RHBDD1: variants seen among roughly 807,000 people sequenced by gnomAD.
RHBDD1 encodes the protein rhomboid domain containing 1.
RHBDD1 carries 38 observed loss-of-function variants against 36.3 expected under a neutral mutation model. The observed-to-expected ratio is 1.05, with a 90% CI of 0.81 to 1.37. The LOEUF is 1.37. Among genes scored for constraint, RHBDD1 ranks in the 40% most tolerant of loss-of-function variants. RHBDD1 has a pLI of 0.00. For missense variants in RHBDD1, 393 were observed against 377.6 expected (o/e 1.04, Z -0.34); for synonymous variants, 151 against 136.5 (o/e 1.11, Z -0.74).
chr2:226,867,165 A>G (rs750070549), intron 4 of RHBDD1, 21 bp from the exon 5 acceptor site: 10 of 1,581,742 alleles, frequency 6.3e-6, no homozygotes, highest in Middle Eastern at 3.4e-4. Flanking sequence ...TGATATTTGC[A>G]TGTTCTTCAT....
chr2:226,982,989 G>C (rs1391842465), intron 8 of RHBDD1, among the ~76,000 whole-genome samples: 1 of 152,214 alleles, frequency 6.6e-6, no homozygotes, highest in Non-Finnish European at 1.5e-5. Flanking sequence ...GTTGAGCATA[G>C]CATAACCTAG....
chr2:226,803,308 ATGTG>A, the RHBDD1 span, among the ~76,000 whole-genome samples: 4,777 of 149,328 alleles, frequency 0.032, 253 homozygotes, highest in African/African-American at 0.11. Flanking sequence ...GATGACTAAA[ATGTG>A]TGTGTGTGTG....
chr2:226,898,147 C>T (rs149509505), intron 5 of RHBDD1, among the ~76,000 whole-genome samples: 4 of 152,174 alleles, frequency 2.6e-5, no homozygotes, highest in Non-Finnish European at 5.9e-5. Flanking sequence ...CCCTATACTC[C>T]TACAAGGAGG....
intron 3 of RHBDD1, among the ~76,000 whole-genome samples, chr2:226,854,239 CTTATTA>C (rs1420426853): frequency 6.6e-6 from 1 of 151,984 alleles, no homozygotes; most frequent in Non-Finnish European, 1.5e-5. Flanking sequence ...TGAGGTGGTC[CTTATTA>C]TTATTTAGTA....
intron 5 of RHBDD1, among the ~76,000 whole-genome samples, chr2:226,902,308 G>T (rs143832471): frequency 2.6e-5 from 4 of 152,324 alleles, no homozygotes; most frequent in African/African-American, 9.6e-5. Context: ...CCCAGCCACT[G>T]ATCAGAGCAT....
rs1943422298 is a variant in RHBDD1, at chr2:226,857,268, T to TA, written c.-90-7329dup. On this transcript the variant is annotated intron_variant, in intron 3 of 8. Transcript: ENST00000392062. ...TTCACATCCACCAGGATGGCTACAGTAAAAAAAGATGGATAAATACAAGCA... is the reference window on the plus strand; with the variant it reads ...TTCACATCCACCAGGATGGCTACAGTAAAAAAAAGATGGATAAATACAAGCA... Among the ~76,000 whole-genome samples the TA allele has an allele frequency of 2.6e-5, 4 of 151,988 alleles. No homozygotes were observed. In the South Asian group the frequency reaches 8.3e-4, roughly 32 times the overall value.
chr2:226,825,384 A>T, the RHBDD1 span, among the ~76,000 whole-genome samples: 1 of 152,224 alleles, frequency 6.6e-6, no homozygotes, highest in East Asian at 1.9e-4. Flanking sequence ...AAGAACTCTC[A>T]AACAATATTC....
intron 1 of RHBDD1, among the ~76,000 whole-genome samples, chr2:226,836,483 G>A (rs1420441139): frequency 6.6e-6 from 1 of 152,198 alleles, no homozygotes; most frequent in African/African-American, 2.4e-5. Flanking sequence ...GTGCTCTCGG[G>A]ACAGCTTTCA....
rs1249374411 is a variant in RHBDD1, at chr2:226,864,742, T to C, written c.49T>C (p.Ser17Pro). 1 of 1,614,046 alleles carries C rather than the reference T, an allele frequency of 6.2e-7. No homozygotes were observed. Residue 17 changes from serine (S) to proline (P), a missense_variant, in exon 4 of 9, where the codon TCT (serine) becomes CCT (proline). Transcript: ENST00000392062. Reference sequence around the variant, plus strand: ...AAATACTGGACTTATTCTACTCCTTTCTCAAATCTTCCATGTTGGGATCAA... The same window carrying C: ...AAATACTGGACTTATTCTACTCCTTCCTCAAATCTTCCATGTTGGGATCAA... The part of the protein sequence containing the change: ...GINTGLILLL[S>P]QIFHVGINNI...
At chr2:226,822,314 G>A in the RHBDD1 span, among the ~76,000 whole-genome samples, 3 of 150,556 alleles carry the variant, frequency 2.0e-5, no homozygotes, top group Non-Finnish European at 4.4e-5. Context: ...TAATTTTTTG[G>A]GGATGCTTGC....
intron 8 of RHBDD1, among the ~76,000 whole-genome samples, chr2:226,986,441 A>C (rs1231004453): frequency 1.3e-5 from 2 of 152,208 alleles, no homozygotes; most frequent in East Asian, 3.8e-4. Context: ...CTTTTACGTA[A>C]ATTTAAAATT....
intron 8 of RHBDD1, among the ~76,000 whole-genome samples, chr2:226,960,626 G>A (rs985296795): frequency 6.6e-6 from 1 of 152,138 alleles, no homozygotes; most frequent in African/African-American, 2.4e-5. Context: ...CAAAATTAGG[G>A]GTTATCAACT....
At chr2:226,911,147 A>C (rs996188551) in intron 7 of RHBDD1, among the ~76,000 whole-genome samples, 1 of 152,050 alleles carries the variant, frequency 6.6e-6, no homozygotes, top group African/African-American at 2.4e-5. Flanking sequence ...GGCAATTAAA[A>C]CTCTAGGTAG....
chr2:226,895,888 T>G, intron 5 of RHBDD1: 1 of 860,140 alleles, frequency 1.2e-6, no homozygotes, highest in Non-Finnish European at 1.4e-6. Flanking sequence ...CGGTGTCTTT[T>G]CCCTTTGCAT....
At chr2:226,935,440 CATT>C (rs1284760307) in intron 8 of RHBDD1, 2 of 151,970 alleles carry the variant, frequency 1.3e-5, no homozygotes, top group African/African-American at 2.4e-5. Flanking sequence ...GTAAAAGTAA[CATT>C]TATTTGTCTT....
intron 3 of RHBDD1, among the ~76,000 whole-genome samples, chr2:226,846,239 A>C (rs1942203972): frequency 6.6e-6 from 1 of 152,252 alleles, no homozygotes; most frequent in South Asian, 2.1e-4. Context: ...CAAATAAACA[A>C]ATGCCAAAAT....
At position 226,865,242 on chromosome 2, in the gene RHBDD1, G is replaced by T. The variant is rs142977850; in HGVS notation, c.433+116G>T. 4.1e-4 allele frequency: 329 copies of T among 805,338 alleles called. 1 individual carries two copies. Among genetic ancestry groups the T allele is most frequent in the Middle Eastern group, 1.1e-3 (4 of 3,698 alleles). 49.9% of individuals were successfully genotyped at this position (805,338 alleles called of 1,614,324 possible). A position where few individuals can be genotyped will look rare whatever the true frequency, so the allele number is the denominator to read the frequency against. On this transcript the variant is annotated intron_variant, in intron 4 of 8. Coordinates refer to ENST00000392062, the MANE Select transcript of RHBDD1 (RefSeq NM_001167608.3). ...ATTCTGAGTGGTTAAGGGCTGCTGA[G>T]GCTTTGCGTCTTGAAGAGGAGGCTG... is the stretch of plus-strand genomic sequence containing the variant.
At chr2:226,932,271 G>A (rs570483499) in intron 8 of RHBDD1, among the ~76,000 whole-genome samples, 1 of 152,232 alleles carries the variant, frequency 6.6e-6, no homozygotes, top group African/African-American at 2.4e-5. Context: ...ACGTGCACCT[G>A]AAAAGAATGT....
chr2:226,943,125 C>G (rs1024410375), intron 8 of RHBDD1, among the ~76,000 whole-genome samples: 88 of 152,154 alleles, frequency 5.8e-4, no homozygotes, highest in African/African-American at 2.1e-3. Flanking sequence ...CATGGCAGTT[C>G]TCCAGTGATT....
Sources: allele counts gnomAD v4.1 joint callset (sites outside exome capture counted in the v4.1 genomes callset), GRCh38; gene constraint gnomAD v4.1.1; transcripts MANE v1.5; gene names NCBI Gene and HGNC (gene_info 2026-07-23, HGNC 2026-07-21).